ZNF496: variants seen among roughly 807,000 people sequenced by gnomAD.
ZNF496 encodes NSD1 (nuclear receptor binding SET-domain containing 1)-interacting zinc finger protein 1.
ZNF496 carries 11 observed loss-of-function variants against 58.9 expected under a neutral mutation model. The observed-to-expected ratio is 0.19, with a 90% CI of 0.12 to 0.31. ZNF496 has a LOEUF of 0.31. Ranked by LOEUF, ZNF496 falls within the 10% of genes least tolerant of loss-of-function variation. The pLI is 1.00. For synonymous variants in ZNF496, 338 were observed against 318.2 expected (o/e 1.06, Z -0.66); for missense variants, 660 against 783.0 (o/e 0.84, Z 1.88).
intron 7 of ZNF496, 65 bp downstream of exon 7, chr1:247,310,259 C>G: frequency 6.2e-7 from 1 of 1,605,264 alleles, no homozygotes; most frequent in Non-Finnish European, 8.5e-7. Flanking sequence ...TTGACTCTTA[C>G]TCCAAGTGAG....
rs747428321 is a variant in ZNF496, at chr1:247,329,231, C to A, written c.348G>T (p.Ala116=). ...CGGGCTCCCGTTCCAGTGCCTCCAC[C>A]GCGGCCACAGCCTGCTCTCCGCTCT... ...EPESGEQAVA[A]VEALEREPGR... Residue 116 remains alanine (A), a synonymous_variant, in exon 4 of 10, where the codon GCG becomes GCT. Transcript: ENST00000682384. This position sits in a 1 kb window ranked among gnomAD's most constrained non-coding sequence, Gnocchi z 5.5. 3.7e-6 allele frequency: 6 copies of A among 1,613,602 alleles called. No homozygotes were observed. The highest frequency in any genetic ancestry group is 5.1e-6 in the Non-Finnish European group (6 of 1,180,024).
chr1:247,325,538 G>A (rs930285347), intron 5 of ZNF496, among the ~76,000 whole-genome samples: 2 of 152,098 alleles, frequency 1.3e-5, no homozygotes, highest in Non-Finnish European at 2.9e-5. Flanking sequence ...TACTTTCTTA[G>A]CAATTTTCAA....
chr1:247,311,732 T>TGGCCCTGCCCCTGGCTTTTGGC (rs1297300582), intron 6 of ZNF496: 3 of 152,226 alleles, frequency 2.0e-5, no homozygotes, highest in African/African-American at 7.2e-5. Context: ...AGGCCCTGGG[T>TGGCCCTGCCCCTGGCTTTTGGC]GGTCCCGCCC....
At chr1:247,326,113 CATATATATACATACAT>C (rs1264437628) in intron 5 of ZNF496, among the ~76,000 whole-genome samples, 56 of 148,964 alleles carry the variant, frequency 3.8e-4, no homozygotes, top group African/African-American at 1.3e-3. Flanking sequence ...TATACACACA[CATATATATACATACAT>C]ATATATATAT....
intron 6 of ZNF496, among the ~76,000 whole-genome samples, chr1:247,318,379 A>G (rs1037751811): frequency 6.6e-6 from 1 of 152,256 alleles, no homozygotes; most frequent in South Asian, 2.1e-4. Flanking sequence ...TAGAAATGTA[A>G]GAAGCTGAGC....
rs574732768 is a variant in ZNF496 at position 247,300,098 on chromosome 1, A to G, written c.*421T>C. 20 of 158,036 alleles carry G rather than the reference A, an allele frequency of 1.3e-4. No homozygotes were observed. The Admixed American group carries it at 1.3e-3, about 10-fold the overall frequency. The allele number at this position is 158,036 out of a possible 1,614,324, so 9.8% of individuals were successfully genotyped here. A position where few individuals can be genotyped will look rare whatever the true frequency, so the allele number is the denominator to read the frequency against. The stretch of plus-strand genomic sequence containing the variant: ...CTCAGTGGAAGTGCAGGCATCCTGG[A>G]GCTTCAGGAGCAGATCCTAGCGTTC... On this transcript the variant is annotated 3_prime_UTR_variant, in exon 10 of 10. Transcript: ENST00000682384. This position sits in a 1 kb window ranked among gnomAD's most constrained non-coding sequence, Gnocchi z 5.7.
chr1:247,320,714 G>A (rs1659936004), intron 6 of ZNF496, among the ~76,000 whole-genome samples: 1 of 152,160 alleles, frequency 6.6e-6, no homozygotes, highest in Admixed American at 6.5e-5. Context: ...ACGTAAAAAT[G>A]AGAAGATTCA....
rs893291047 is a variant in ZNF496 at position 247,331,495 on chromosome 1, G to C, written c.-217C>G. On this transcript the variant is annotated 5_prime_UTR_variant, in exon 2 of 10. Coordinates refer to ENST00000682384, the MANE Select transcript of ZNF496 (RefSeq NM_032752.3). ...ACCCTCCTGTGGCGGCGGAAGTCCA[G>C]GGCAGCCGTCCTCATCCTCCCAGCC... 6.6e-6 allele frequency: 1 copy of C among 152,212 alleles called. No individual in the cohort carries two copies. Among genetic ancestry groups the C allele is most frequent in the Admixed American group, 6.5e-5 (1 of 15,286 alleles). The allele number at this position is 152,212 out of a possible 1,614,324, so 9.4% of individuals were successfully genotyped here.
chr1:247,301,406 G>T, intron 9 of ZNF496, 130 bp from the exon 10 acceptor site: 2 of 1,258,238 alleles, frequency 1.6e-6, no homozygotes, highest in Non-Finnish European at 2.1e-6. Flanking sequence ...GGTGACCGGG[G>T]CGGCCTGGCC....
At position 247,309,774 on chromosome 1, in the gene ZNF496, C is replaced by T; in HGVS notation, c.817G>A (p.Gly273Arg). Residue 273 changes from glycine (G) to arginine (R), a missense_variant, in exon 8 of 10, where the codon GGA (glycine) becomes AGA (arginine). By Grantham distance (125) the Gly-to-Arg change is moderately radical (BLOSUM62 -2). Coordinates refer to ENST00000682384, the MANE Select transcript of ZNF496 (RefSeq NM_032752.3). This position sits in a 1 kb window ranked among gnomAD's most constrained non-coding sequence, Gnocchi z 4.3. ...GGAACGCGTGGCTCATTCTCCTCTC[C>T]CTGGGAGAGATCTGGCTGGGCAGCT... ...DLAAQPDLSQGEENEPRVPEL... is the reference protein window; with the variant it reads ...DLAAQPDLSQREENEPRVPEL... The T allele has an allele frequency of 6.2e-7, 1 of 1,614,196 alleles. No homozygotes were observed. Among genetic ancestry groups the T allele is most frequent in the African/African-American group, 1.3e-5 (1 of 75,050 alleles).
intron 9 of ZNF496, among the ~76,000 whole-genome samples, chr1:247,302,130 G>C (rs1430328274): frequency 6.6e-6 from 1 of 152,138 alleles, no homozygotes; most frequent in Non-Finnish European, 1.5e-5. Flanking sequence ...TTTCCTCACT[G>C]CTGTGAAATG....
intron 6 of ZNF496, among the ~76,000 whole-genome samples, chr1:247,314,231 T>C (rs943679724): frequency 6.6e-6 from 1 of 151,978 alleles, no homozygotes; most frequent in Non-Finnish European, 1.5e-5. Flanking sequence ...GCTAATTTTT[T>C]ATTTTTGTAA....
intron 6 of ZNF496, chr1:247,312,616 A>T (rs1337612361): frequency 6.6e-6 from 1 of 151,918 alleles, no homozygotes; most frequent in East Asian, 1.9e-4. Flanking sequence ...AAATACAAAA[A>T]TTAGCCAGGT....
At chr1:247,325,397 T>G (rs1660088765) in intron 5 of ZNF496, among the ~76,000 whole-genome samples, 1 of 152,238 alleles carries the variant, frequency 6.6e-6, no homozygotes, top group Non-Finnish European at 1.5e-5. Context: ...TAAGCTATAA[T>G]TGACAAAAAT....
At position 247,299,378 on chromosome 1, in the gene ZNF496, C is replaced by G. The variant is rs1189196440; in HGVS notation, c.*1141G>C. 2 of 152,278 alleles carry G rather than the reference C, an allele frequency of 1.3e-5. No homozygotes were observed. Among genetic ancestry groups the G allele is most frequent in the Non-Finnish European group, 2.9e-5 (2 of 68,092 alleles). 9.4% of individuals were successfully genotyped at this position (152,278 alleles called of 1,614,324 possible). On this transcript the variant is annotated 3_prime_UTR_variant, in exon 10 of 10. Coordinates refer to ENST00000682384, the MANE Select transcript of ZNF496 (RefSeq NM_032752.3). Reference sequence around the variant, plus strand: ...GCTTCCACACACCAAGGAATGGCAACTGCCAGCAAAGGCATGAAGCCGCTT... The same window carrying G: ...GCTTCCACACACCAAGGAATGGCAAGTGCCAGCAAAGGCATGAAGCCGCTT...
chr1:247,308,763 G>A lies in ZNF496; in HGVS notation c.893-175C>T. 1 of 581,718 alleles carries A rather than the reference G, an allele frequency of 1.7e-6. No homozygotes were observed. The highest frequency in any genetic ancestry group is 2.0e-5 in the South Asian group (1 of 50,610). The allele number at this position is 581,718 out of a possible 1,614,324, so 36.0% of individuals were successfully genotyped here. A position where few individuals can be genotyped will look rare whatever the true frequency, so the allele number is the denominator to read the frequency against. ...GTCTGCTGAGTGAATGAACCTGAAG[G>A]CAAAATGGGCCAACTCCACAAACAT... On this transcript the variant is annotated intron_variant, in intron 8 of 9. Transcript: ENST00000682384. This position sits in a 1 kb window ranked among gnomAD's most constrained non-coding sequence, Gnocchi z 4.5.
In ZNF496 at chr1:247,308,299, G is replaced by C. The variant is rs1398411568; in HGVS notation, c.1006+176C>G. 6.6e-6 allele frequency among the ~76,000 whole-genome samples: 1 copy of C among 152,032 alleles called. No individual in the cohort carries two copies. The highest frequency in any genetic ancestry group is 1.5e-5 in the Non-Finnish European group (1 of 68,012). ...CACACCCACATGCCCCCAACACACA[G>C]GTGCACCCATGAATGCACACACTCA... On this transcript the variant is annotated intron_variant, in intron 9 of 9. Coordinates refer to ENST00000682384, the MANE Select transcript of ZNF496 (RefSeq NM_032752.3). This position sits in a 1 kb window ranked among gnomAD's most constrained non-coding sequence, Gnocchi z 4.5.
chr1:247,316,896 T>C (rs1004662503), intron 6 of ZNF496, among the ~76,000 whole-genome samples: 1 of 152,110 alleles, frequency 6.6e-6, no homozygotes, highest in African/African-American at 2.4e-5. Context: ...GGGATCCTTT[T>C]ATTTGTGATC....
rs1208495538 is a variant in ZNF496, at chr1:247,300,400, G to C, written c.*119C>G. On this transcript the variant is annotated 3_prime_UTR_variant, in exon 10 of 10. Transcript: ENST00000682384. The surrounding 1 kb of genome is among the most constrained non-coding windows in gnomAD (Gnocchi z 5.7). ...CCGAACGCTCACTACCTGAGAGCAA[G>C]GACAGGAGGGAGGTGTGCTCTCTAT... is the stretch of plus-strand genomic sequence containing the variant. 1 of 1,137,000 alleles carries C rather than the reference G, an allele frequency of 8.8e-7. No homozygotes were observed. Among genetic ancestry groups the C allele is most frequent in the Middle Eastern group, 3.1e-4 (1 of 3,258 alleles). 70.4% of individuals were successfully genotyped at this position (1,137,000 alleles called of 1,614,324 possible). A position where few individuals can be genotyped will look rare whatever the true frequency, so the allele number is the denominator to read the frequency against.
Sources: allele counts gnomAD v4.1 joint callset (sites outside exome capture counted in the v4.1 genomes callset), GRCh38; gene constraint gnomAD v4.1.1; non-coding constraint Gnocchi (gnomAD v3.1); transcripts MANE v1.5; gene names NCBI Gene and HGNC (gene_info 2026-07-23, HGNC 2026-07-21).